DOCK9: variants seen among roughly 807,000 people sequenced by gnomAD.
DOCK9 encodes dedicator of cytokinesis protein 9.
DOCK9 carries 89 observed loss-of-function variants against 263.3 expected under a neutral mutation model. That is an observed-to-expected ratio of 0.34 (90% CI 0.28 to 0.40). DOCK9 has a LOEUF of 0.40. Ranked by LOEUF, DOCK9 falls within the 10% of genes least tolerant of loss-of-function variation. The probability of loss-of-function intolerance (pLI) is 1.00; values close to 1 mark genes in which losing one functional copy is unlikely to be tolerated. For missense variants in DOCK9, 2,140 were observed against 2,603.4 expected, an observed-to-expected ratio of 0.82 and a Z score of 3.87; for synonymous variants, 976 against 973.1, an observed-to-expected ratio of 1.00 and a Z score of -0.06.
intron 1 of DOCK9, among the ~76,000 whole-genome samples, chr13:99,063,947 T>C (rs1454789238): frequency 2.0e-5 from 3 of 152,180 alleles, no homozygotes; most frequent in East Asian, 1.9e-4. Flanking sequence ...CAACATGAAA[T>C]GGAGGCTCAA....
chr13:98,827,797 T>C (rs1242972138), intron 43 of DOCK9, among the ~76,000 whole-genome samples: 1 of 152,124 alleles, frequency 6.6e-6, no homozygotes, highest in Non-Finnish European at 1.5e-5. Context: ...ACATGACGGG[T>C]TACTGAGCAC....
At chr13:98,885,536 T>TA (rs11411440) in intron 20 of DOCK9, 172 bp downstream of exon 20, 242,245 of 477,342 alleles carry the variant, frequency 0.51, 36,645 homozygotes, top group Admixed American at 0.63. Flanking sequence ...GCTCAAAAAT[T>TA]AAAAAAAAAA....
At chr13:99,028,994 G>C (rs1887061708) in intron 1 of DOCK9, among the ~76,000 whole-genome samples, 1 of 152,188 alleles carries the variant, frequency 6.6e-6, no homozygotes, top group Admixed American at 6.5e-5. Context: ...CCATATTTCT[G>C]TTTTACCAGT....
Position 98,863,003 on chromosome 13 carries a change from G to A in DOCK9, c.3579+16C>T. 2 of 1,586,582 alleles carry A rather than the reference G, an allele frequency of 1.3e-6. No individual in the cohort carries two copies. The highest frequency in any genetic ancestry group is 2.3e-5 in the East Asian group (1 of 43,824). ...GACCTGATATAGGCTGAGTTAATGTGACCATGCTTACGTACCATGCCCGCG... is the reference window on the plus strand; with the variant it reads ...GACCTGATATAGGCTGAGTTAATGTAACCATGCTTACGTACCATGCCCGCG... On this transcript the variant is annotated intron_variant, in intron 32 of 52. Coordinates refer to ENST00000682017, the MANE Select transcript of DOCK9 (RefSeq NM_001366683.2).
intron 13 of DOCK9, among the ~76,000 whole-genome samples, chr13:98,899,134 AC>A (rs2047883557): frequency 6.6e-6 from 1 of 151,746 alleles, no homozygotes; most frequent in Non-Finnish European, 1.5e-5. Flanking sequence ...GTACTCCAAA[AC>A]CAAAGTGTGC....
At chr13:98,795,790 G>A (rs138625694) in intron 52 of DOCK9, among the ~76,000 whole-genome samples, 3,501 of 147,482 alleles carry the variant, frequency 0.024, 136 homozygotes, top group African/African-American at 0.08. Context: ...ATGGAGTCTC[G>A]CTCTGTGGCC....
At chr13:98,939,932 A>G (rs776451503) in intron 2 of DOCK9, among the ~76,000 whole-genome samples, 4 of 152,138 alleles carry the variant, frequency 2.6e-5, no homozygotes, top group Non-Finnish European at 5.9e-5. Context: ...TGGAAACCCC[A>G]CTTGGTTGCA....
At chr13:98,868,923 GTGTT>G (rs1353630911) in intron 27 of DOCK9, among the ~76,000 whole-genome samples, 1 of 152,194 alleles carries the variant, frequency 6.6e-6, no homozygotes, top group Non-Finnish European at 1.5e-5. Flanking sequence ...CACCTAAAAA[GTGTT>G]TGTAAAAAGG....
In DOCK9 at chr13:98,793,917, C is replaced by G. The variant is rs757242916; in HGVS notation, c.*709G>C. On this transcript the variant is annotated 3_prime_UTR_variant, in exon 53 of 53. Transcript: ENST00000682017. Reference sequence around the variant, plus strand: ...TGTAATACATATATGTACAGAATGCCAGGACTGTATTAACAATGATATGTA... The same window carrying G: ...TGTAATACATATATGTACAGAATGCGAGGACTGTATTAACAATGATATGTA... 3.3e-5 allele frequency: 5 copies of G among 152,538 alleles called. No individual in the cohort carries two copies. Among genetic ancestry groups the G allele is most frequent in the Admixed American group, 6.5e-5 (1 of 15,280 alleles). The allele number at this position is 152,538 out of a possible 1,614,324, so 9.4% of individuals were successfully genotyped here.
At chr13:98,983,051 A>G (rs544236686), upstream of DOCK9, among the ~76,000 whole-genome samples, 1 of 152,334 alleles carries the variant, frequency 6.6e-6, no homozygotes, top group South Asian at 2.1e-4. Context: ...ATCTCAACCT[A>G]ACAGAAGTTA....
chr13:98,921,699 C>G (rs1595341390), intron 6 of DOCK9, among the ~76,000 whole-genome samples: 2 of 152,216 alleles, frequency 1.3e-5, no homozygotes, highest in South Asian at 4.1e-4. Flanking sequence ...CTGCAGTACA[C>G]CTCCACAGAA....
chr13:98,981,136 A>C (rs1234483294), upstream of DOCK9, among the ~76,000 whole-genome samples: 2 of 151,534 alleles, frequency 1.3e-5, no homozygotes, highest in Non-Finnish European at 2.9e-5. Flanking sequence ...AGCTTACTGC[A>C]ACCTCCACCT....
chr13:99,028,865 T>C (rs1887050935), intron 1 of DOCK9, among the ~76,000 whole-genome samples: 1 of 152,216 alleles, frequency 6.6e-6, no homozygotes, highest in Admixed American at 6.5e-5. Flanking sequence ...GAAGTTAAAA[T>C]ATGTTTAGGA....
chr13:98,798,276 A>G (rs543254136), intron 50 of DOCK9, among the ~76,000 whole-genome samples: 2 of 152,346 alleles, frequency 1.3e-5, no homozygotes, highest in Admixed American at 6.5e-5. Flanking sequence ...TGGTGAGCTT[A>G]GCAAGGAATT....
At chr13:98,881,826 T>C (rs575414120) in intron 24 of DOCK9, 66 bp downstream of exon 24, 10 of 1,382,616 alleles carry the variant, frequency 7.2e-6, no homozygotes, top group South Asian at 5.0e-5. Flanking sequence ...ATCCCAGCTA[T>C]GCATGACTAT....
intron 1 of DOCK9, among the ~76,000 whole-genome samples, chr13:99,034,928 T>C (rs1887708925): frequency 6.6e-6 from 1 of 152,162 alleles, no homozygotes; most frequent in Non-Finnish European, 1.5e-5. Context: ...CAGCAATCAA[T>C]GTGGAACCAC....
chr13:98,867,857 A>AT, intron 29 of DOCK9, 71 bp downstream of exon 29: 4 of 1,367,706 alleles, frequency 2.9e-6, no homozygotes, highest in Non-Finnish European at 3.0e-6. Context: ...AAAAAAAAAA[A>AT]GGAAAAAGAT....
chr13:98,874,918 G>C (rs2094290211), intron 27 of DOCK9, among the ~76,000 whole-genome samples: 1 of 151,754 alleles, frequency 6.6e-6, no homozygotes, highest in Non-Finnish European at 1.5e-5. Flanking sequence ...AGCTAATCTT[G>C]TTTTTCACTC....
chr13:99,065,443 A>G (rs2041373367), intron 1 of DOCK9, among the ~76,000 whole-genome samples: 1 of 152,122 alleles, frequency 6.6e-6, no homozygotes, highest in African/African-American at 2.4e-5. Flanking sequence ...TCGAAAACCC[A>G]CAACAAAGCA....
Sources: gnomAD v4.1 joint callset for allele counts (sites outside exome capture counted in the v4.1 genomes callset) on GRCh38, gnomAD v4.1.1 for gene constraint, MANE v1.5 for transcripts, NCBI Gene and HGNC (gene_info 2026-07-23, HGNC 2026-07-21) for gene names.